Variants in CEACAM5 observed in about 807,000 individuals in gnomAD.
The protein encoded by CEACAM5 is cell adhesion molecule CEACAM5.
Under a neutral mutation model 63.0 loss-of-function variants are expected in CEACAM5, and 52 were observed. The observed-to-expected ratio is 0.83, with a 90% CI of 0.66 to 1.04. The LOEUF is 1.04. CEACAM5 is among the 50% of genes least tolerant of loss of function. The probability of loss-of-function intolerance (pLI) is 0.00; values close to 1 mark genes in which losing one functional copy is unlikely to be tolerated. For missense variants in CEACAM5, 790 were observed against 864.8 expected (o/e 0.91, Z 1.08); for synonymous variants, 357 against 351.3 (o/e 1.02, Z -0.18).
chr19:41,715,514 A>G, intron 3 of CEACAM5, 136 bp from the exon 4 acceptor site: 1 of 1,243,746 alleles, frequency 8.0e-7, no homozygotes, highest in Non-Finnish European at 1.2e-6. Context: ...ACTCAGGCTC[A>G]GTAGATACAA....
Position 41,708,776 on chromosome 19 carries a change from G to A in CEACAM5, c.45G>A (p.Trp15Ter). The A allele has an allele frequency of 6.2e-7, 1 of 1,612,010 alleles. No individual in the cohort carries two copies. The highest frequency in any genetic ancestry group is 8.5e-7 in the Non-Finnish European group (1 of 1,178,966). Reference sequence around the variant, plus strand: ...CTCCCCACAGATGGTGCATCCCCTGGCAGAGGCTCCTGCTCACAGGTGAAG... The same window carrying A: ...CTCCCCACAGATGGTGCATCCCCTGACAGAGGCTCCTGCTCACAGGTGAAG... ...SAPPHRWCIP[W>*]QRLLLTASLL... Residue 15 changes from tryptophan (W) to a stop codon, truncating the protein, a stop_gained, in exon 1 of 10, where the codon TGG (tryptophan) becomes TGA (stop). Coordinates refer to ENST00000221992, the MANE Select transcript of CEACAM5 (RefSeq NM_004363.6). LOFTEE classifies it high-confidence loss of function.
intron 8 of CEACAM5, among the ~76,000 whole-genome samples, chr19:41,725,281 A>G (rs1555816925): frequency 1.3e-5 from 2 of 152,038 alleles, no homozygotes; most frequent in Admixed American, 6.6e-5. Context: ...TTGTTGGCAT[A>G]CAATTATTCA....
intron 2 of CEACAM5, among the ~76,000 whole-genome samples, chr19:41,712,530 A>G (rs77782187): frequency 7.2e-4 from 110 of 152,288 alleles, no homozygotes; most frequent in African/African-American, 2.5e-3. Context: ...ATTTACTAAC[A>G]TCACACACAT....
intron 6 of CEACAM5, 53 bp from the exon 7 acceptor site, chr19:41,719,877 G>T (rs2072589388): frequency 1.2e-6 from 2 of 1,608,800 alleles, no homozygotes; most frequent in South Asian, 1.1e-5. Context: ...AAAGATGCCT[G>T]TGAGGAATCA....
At chr19:41,717,316 G>A (rs1367030798) in intron 4 of CEACAM5, 139 bp from the exon 5 acceptor site, 5 of 899,056 alleles carry the variant, frequency 5.6e-6, no homozygotes, top group Non-Finnish European at 6.9e-6. Context: ...CATCTGTCTT[G>A]TGACGCACAC....
At chr19:41,724,952 T>C (rs1323156476) in intron 8 of CEACAM5, among the ~76,000 whole-genome samples, 2 of 152,188 alleles carry the variant, frequency 1.3e-5, no homozygotes, top group African/African-American at 4.8e-5. Context: ...TCTTTTTTTT[T>C]CTTGCCTAAT....
At chr19:41,708,867 G>A (rs1255039617) in intron 1 of CEACAM5, 72 bp downstream of exon 1, 2 of 1,132,574 alleles carry the variant, frequency 1.8e-6, no homozygotes, top group Non-Finnish European at 2.6e-6. Context: ...AGGGCTGTGA[G>A]ACGGACAGAG....
chr19:41,716,768 T>G (rs1210352095), intron 4 of CEACAM5, among the ~76,000 whole-genome samples: 1 of 152,222 alleles, frequency 6.6e-6, no homozygotes, highest in Non-Finnish European at 1.5e-5. Context: ...AACACAAACT[T>G]ACCATCTTAA....
At position 41,710,091 on chromosome 19, in the gene CEACAM5, A is replaced by G. The variant is rs1555813824; in HGVS notation, c.424+52A>G. The G allele has an allele frequency of 3.8e-6, 6 of 1,573,740 alleles. No homozygotes were observed. In the South Asian group the frequency reaches 6.1e-5, roughly 16 times the overall value. ...GTGTTGGGGGTCAGTTCTACTTCCCACACACAGGATTATCAGGCCTGGGCT... is the reference window on the plus strand; with the variant it reads ...GTGTTGGGGGTCAGTTCTACTTCCCGCACACAGGATTATCAGGCCTGGGCT... On this transcript the variant is annotated intron_variant, in intron 2 of 9. Transcript: ENST00000221992.
At chr19:41,717,884 C>G in intron 5 of CEACAM5, 151 bp downstream of exon 5, 1 of 1,102,336 alleles carries the variant, frequency 9.1e-7, no homozygotes. Context: ...TCCATGCAGG[C>G]CCAGTCCTGA....
intron 4 of CEACAM5, 28 bp from the exon 5 acceptor site, chr19:41,717,427 G>T (rs1555815233): frequency 6.3e-7 from 1 of 1,598,066 alleles, no homozygotes; most frequent in Non-Finnish European, 8.5e-7. Context: ...TGCCACACAG[G>T]GCAATCTTCT....
chr19:41,713,563 C>G (rs1189172658), intron 2 of CEACAM5, among the ~76,000 whole-genome samples: 2 of 152,184 alleles, frequency 1.3e-5, no homozygotes, highest in African/African-American at 4.8e-5. Context: ...ACTGCAGACC[C>G]ATGAACAACT....
chr19:41,727,164 C>A, intron 8 of CEACAM5, 70 bp from the exon 9 acceptor site: 1 of 1,152,328 alleles, frequency 8.7e-7, no homozygotes, highest in Non-Finnish European at 1.3e-6. Context: ...GAGCTGGAAC[C>A]TGGGGCACCC....
rs781924468 is a variant in CEACAM5 at position 41,720,996 on chromosome 19, C to T, written c.1846C>T (p.His616Tyr). 7.4e-6 allele frequency: 12 copies of T among 1,614,018 alleles called. No homozygotes were observed. The highest frequency in any genetic ancestry group is 1.7e-5 in the Admixed American group (1 of 59,990). The change falls in exon 8 of 10, where the codon CAC (histidine) becomes TAC (tyrosine). Residue 616 changes from histidine to tyrosine, a missense_variant. His to Tyr is a moderately conservative substitution (Grantham distance 83, BLOSUM62 2). Coordinates refer to ENST00000221992, the MANE Select transcript of CEACAM5 (RefSeq NM_004363.6). ...LSGANLNLSCHSASNPSPQYS... is the reference protein window; with the variant it reads ...LSGANLNLSCYSASNPSPQYS... The stretch of plus-strand genomic sequence containing the variant: ...GGGAGCGAACCTCAACCTCTCCTGC[C>T]ACTCGGCCTCTAACCCATCCCCGCA...
At chr19:41,729,116 T>G in intron 9 of CEACAM5, 68 bp from the exon 10 acceptor site, 1 of 152,228 alleles carries the variant, frequency 6.6e-6, no homozygotes, top group Admixed American at 6.5e-5. Context: ...ATGTGAGTTG[T>G]GTTCTTATTA....
Position 41,715,817 on chromosome 19 carries a change from G to T in CEACAM5, c.871G>T (p.Val291Leu). 1 of 1,614,118 alleles carries T rather than the reference G, an allele frequency of 6.2e-7. No homozygotes were observed. ...AGAGCTCTTTATCCCCAACATCACT[G>T]TGAATAATAGTGGATCCTATACGTG... Reference protein sequence around the residue: ...TQELFIPNITVNNSGSYTCQA... With the variant: ...TQELFIPNITLNNSGSYTCQA... The change falls in exon 4 of 10, where the codon GTG becomes TTG. Residue 291 changes from valine to leucine, a missense_variant. Physicochemically the swap from Val to Leu is conservative, Grantham distance 32. Coordinates refer to ENST00000221992, the MANE Select transcript of CEACAM5 (RefSeq NM_004363.6).
chr19:41,714,843 T>G, intron 2 of CEACAM5, 128 bp from the exon 3 acceptor site: 2 of 1,520,114 alleles, frequency 1.3e-6, no homozygotes, highest in Non-Finnish European at 1.8e-6. Context: ...TTGTGACACA[T>G]GCACCCACCG....
intron 1 of CEACAM5, 70 bp from the exon 2 acceptor site, chr19:41,709,610 C>T: frequency 6.4e-7 from 1 of 1,558,448 alleles, no homozygotes; most frequent in Non-Finnish European, 8.7e-7. Flanking sequence ...CTGCTCAGGA[C>T]CCAGGACCCC....
chr19:41,723,246 A>G (rs115149734), intron 8 of CEACAM5, among the ~76,000 whole-genome samples: 1,841 of 152,234 alleles, frequency 0.012, 34 homozygotes, highest in African/African-American at 0.042. Context: ...TTTTTGAGGA[A>G]CCACCATACC....
Sources: allele counts gnomAD v4.1 joint callset (sites outside exome capture counted in the v4.1 genomes callset), GRCh38; gene constraint gnomAD v4.1.1; transcripts MANE v1.5; gene names NCBI Gene and HGNC (gene_info 2026-07-23, HGNC 2026-07-21).